The following ABHD2 variants were observed in gnomAD, a reference collection of about 807,000 sequenced individuals.
ABHD2 encodes the protein monoacylglycerol lipase ABHD2.
A neutral mutation model predicts 48.1 loss-of-function variants in ABHD2; 20 were observed. The observed-to-expected ratio is 0.42, with a 90% CI of 0.29 to 0.60. The LOEUF (loss-of-function observed/expected upper bound fraction) is 0.60, where lower values mean the gene tolerates loss of function less well. ABHD2 is among the 20% of genes least tolerant of loss of function. ABHD2 has a pLI of 0.24. For missense variants in ABHD2, 405 were observed against 550.9 expected (o/e 0.74, Z 2.65); for synonymous variants, 209 against 214.2 (o/e 0.98, Z 0.21).
chr15:89,195,751 A>G lies in ABHD2; in HGVS notation c.*328A>G. On this transcript the variant is annotated 3_prime_UTR_variant, in exon 11 of 11. Coordinates refer to ENST00000352732, the MANE Select transcript of ABHD2 (RefSeq NM_152924.5). This position sits in a 1 kb window ranked among gnomAD's most constrained non-coding sequence, Gnocchi z 5.1. ...CTATTAAAAATGTGTCTGAATAGCGATTTTGCTTTGCCACCAAAAGGCTTT... is the reference window on the plus strand; with the variant it reads ...CTATTAAAAATGTGTCTGAATAGCGGTTTTGCTTTGCCACCAAAAGGCTTT... 3.9e-6 allele frequency: 1 copy of G among 253,590 alleles called. No individual in the cohort carries two copies. The highest frequency in any genetic ancestry group is 7.6e-6 in the Non-Finnish European group (1 of 131,628). 15.7% of individuals were successfully genotyped at this position (253,590 alleles called of 1,614,324 possible).
intron 5 of ABHD2, among the ~76,000 whole-genome samples, chr15:89,158,962 C>T (rs1285862264): frequency 6.6e-6 from 1 of 152,034 alleles, no homozygotes; most frequent in African/African-American, 2.4e-5. Context: ...CCGTGCCAGC[C>T]AGGTTTATTC....
At chr15:89,141,953 A>G (rs922325727) in intron 3 of ABHD2, among the ~76,000 whole-genome samples, 1 of 152,234 alleles carries the variant, frequency 6.6e-6, no homozygotes, top group East Asian at 1.9e-4. Context: ...GACTCCAGAT[A>G]TGTTTGGTCT....
In ABHD2 at chr15:89,151,618, T is replaced by G; in HGVS notation, c.195-59T>G. On this transcript the variant is annotated intron_variant, in intron 3 of 10. Coordinates refer to ENST00000352732, the MANE Select transcript of ABHD2 (RefSeq NM_152924.5). The surrounding 1 kb of genome is among the most constrained non-coding windows in gnomAD (Gnocchi z 4.7). ...GGTTGAAAGAGTTTTGCTAAAAGAT[T>G]TTTCAGAACGTTGCTCAAGGAATGT... 1 of 1,541,344 alleles carries G rather than the reference T, an allele frequency of 6.5e-7. No individual in the cohort carries two copies. Among genetic ancestry groups the G allele is most frequent in the Non-Finnish European group, 8.8e-7 (1 of 1,141,798 alleles).
chr15:89,118,863 C>T (rs2050003512), intron 3 of ABHD2, among the ~76,000 whole-genome samples: 1 of 152,090 alleles, frequency 6.6e-6, no homozygotes, highest in African/African-American at 2.4e-5. Context: ...AACAGTTTCT[C>T]TTTGCTTTTT....
Position 89,201,498 on chromosome 15 carries a change from T to G in ABHD2, c.*6075T>G. 6.3e-7 allele frequency: 1 copy of G among 1,581,502 alleles called. No individual in the cohort carries two copies. On this transcript the variant is annotated 3_prime_UTR_variant, in exon 11 of 11. Coordinates refer to ENST00000352732, the MANE Select transcript of ABHD2 (RefSeq NM_152924.5). ...CAGCTTCCATATCTGAAGTGTTTAG[T>G]GGAGCAAAAATTGTACCATAAACTT...
chr15:89,142,338 GTAAA>G (rs2150869431), intron 3 of ABHD2, among the ~76,000 whole-genome samples: 1 of 152,304 alleles, frequency 6.6e-6, no homozygotes, highest in African/African-American at 2.4e-5. Flanking sequence ...AAGAAAAAAG[GTAAA>G]TAAATTCTTG....
intron 3 of ABHD2, among the ~76,000 whole-genome samples, chr15:89,129,657 C>T (rs1409090135): frequency 1.3e-5 from 2 of 152,150 alleles, no homozygotes; most frequent in Non-Finnish European, 2.9e-5. Context: ...GAGTCCAGAT[C>T]AGCAGTGAGA....
chr15:89,172,907 GA>G (rs1468561776), intron 5 of ABHD2, among the ~76,000 whole-genome samples: 2 of 152,198 alleles, frequency 1.3e-5, no homozygotes, highest in African/African-American at 4.8e-5. Context: ...CTCCAGAAAG[GA>G]GCCTGGAAGC....
In ABHD2 at chr15:89,177,097, C is replaced by T. The variant is rs1204200102; in HGVS notation, c.722+1102C>T. Among the ~76,000 whole-genome samples, 1 of 152,178 alleles carries T rather than the reference C, an allele frequency of 6.6e-6. No individual in the cohort carries two copies. Among genetic ancestry groups the T allele is most frequent in the Non-Finnish European group, 1.5e-5 (1 of 68,038 alleles). ...GAAAAAGGTGATCTAAATGTACCCA[C>T]GATAGACATGAGAAACATCTCTGAT... is the stretch of plus-strand genomic sequence containing the variant. On this transcript the variant is annotated intron_variant, in intron 6 of 10. Coordinates refer to ENST00000352732, the MANE Select transcript of ABHD2 (RefSeq NM_152924.5). This position sits in a 1 kb window ranked among gnomAD's most constrained non-coding sequence, Gnocchi z 5.6.
rs2051447742 is a variant in ABHD2 at position 89,199,754 on chromosome 15, A to C, written c.*4331A>C. 6.6e-6 allele frequency: 1 copy of C among 152,592 alleles called. No individual in the cohort carries two copies. Among genetic ancestry groups the C allele is most frequent in the Non-Finnish European group, 1.5e-5 (1 of 68,046 alleles). 9.5% of individuals were successfully genotyped at this position (152,592 alleles called of 1,614,324 possible). A position where few individuals can be genotyped will look rare whatever the true frequency, so the allele number is the denominator to read the frequency against. The stretch of plus-strand genomic sequence containing the variant: ...AGCCTGCCTGTGGCATTTAGAGGCC[A>C]AGCAATTGACAGAAAGGGTTTCTTC... On this transcript the variant is annotated 3_prime_UTR_variant, in exon 11 of 11. Coordinates refer to ENST00000352732, the MANE Select transcript of ABHD2 (RefSeq NM_152924.5). This position sits in a 1 kb window ranked among gnomAD's most constrained non-coding sequence, Gnocchi z 4.1.
chr15:89,073,743 A>G, the ABHD2 span, among the ~76,000 whole-genome samples: 1 of 152,094 alleles, frequency 6.6e-6, no homozygotes, highest in African/African-American at 2.4e-5. Flanking sequence ...GAGGTTCTGC[A>G]TTTCTAATAT....
chr15:89,125,652 C>G (rs1283793737), intron 3 of ABHD2, among the ~76,000 whole-genome samples: 2 of 152,288 alleles, frequency 1.3e-5, no homozygotes, highest in Non-Finnish European at 2.9e-5. Context: ...AGTACTAATA[C>G]CGGGGAATTC....
chr15:89,110,108 G>A (rs1214956150), intron 1 of ABHD2, among the ~76,000 whole-genome samples: 9 of 150,998 alleles, frequency 6.0e-5, no homozygotes, highest in Non-Finnish European at 1.3e-4. Context: ...TTTTAAGACG[G>A]ACTCTCACTC....
At chr15:89,082,127 T>C in the ABHD2 span, among the ~76,000 whole-genome samples, 11 of 152,236 alleles carry the variant, frequency 7.2e-5, no homozygotes, top group South Asian at 1.0e-3. This position sits in a 1 kb window ranked among gnomAD's most constrained non-coding sequence, Gnocchi z 4.4. Context: ...TTGTCAAGTG[T>C]CCCCTGAGGG....
At chr15:89,109,276 T>G (rs1009346834) in intron 1 of ABHD2, among the ~76,000 whole-genome samples, 11 of 152,238 alleles carry the variant, frequency 7.2e-5, no homozygotes. Context: ...CTTTGGTGAC[T>G]AGATGTTGGG....
intron 3 of ABHD2, among the ~76,000 whole-genome samples, chr15:89,143,843 A>G (rs1480325136): frequency 6.6e-6 from 1 of 152,110 alleles, no homozygotes; most frequent in Non-Finnish European, 1.5e-5. Context: ...CACACCCACT[A>G]GGATAGCTAT....
At chr15:89,073,219 C>T in the ABHD2 span, among the ~76,000 whole-genome samples, 6 of 152,142 alleles carry the variant, frequency 3.9e-5, no homozygotes, top group African/African-American at 9.7e-5. Flanking sequence ...AATCTATCAT[C>T]AGATTTATGG....
chr15:89,172,320 C>G (rs976434463), intron 5 of ABHD2, among the ~76,000 whole-genome samples: 4 of 152,220 alleles, frequency 2.6e-5, no homozygotes, highest in African/African-American at 9.6e-5. Flanking sequence ...ATTCTATTTT[C>G]CATCTGTAAA....
intron 1 of ABHD2, chr15:89,090,487 C>T (rs1403773086): frequency 1.3e-5 from 2 of 151,836 alleles, no homozygotes; most frequent in African/African-American, 2.4e-5. Context: ...TCCCCTTCCC[C>T]CCACCCCCAA....
Sources: gnomAD v4.1 joint callset for allele counts (sites outside exome capture counted in the v4.1 genomes callset) on GRCh38, gnomAD v4.1.1 for gene constraint, Gnocchi (gnomAD v3.1) non-coding constraint, MANE v1.5 for transcripts, NCBI Gene and HGNC (gene_info 2026-07-23, HGNC 2026-07-21) for gene names.